CRHR1: variants seen among roughly 807,000 people sequenced by gnomAD.
The protein encoded by CRHR1 is corticotropin releasing hormone receptor 1, also known as corticotropin-releasing hormone receptor 1.
A neutral mutation model predicts 56.0 loss-of-function variants in CRHR1; 28 were observed. The ratio of observed to expected loss-of-function variants is 0.50; its 90% CI spans 0.37 to 0.69. CRHR1 has a LOEUF of 0.69. CRHR1 is among the 30% of genes least tolerant of loss of function. CRHR1 has a pLI of 0.00. For synonymous variants in CRHR1, 195 were observed against 216.5 expected (o/e 0.90, Z 0.87); for missense variants, 376 against 548.0 (o/e 0.69, Z 3.13).
chr17:45,810,504 T>C (rs988459998), intron 2 of CRHR1, among the ~76,000 whole-genome samples: 1 of 152,210 alleles, frequency 6.6e-6, no homozygotes, highest in Admixed American at 6.5e-5. Flanking sequence ...ATATGAACCA[T>C]GTGGGCCTGA....
chr17:45,830,050 C>G, intron 5 of CRHR1, 44 bp from the exon 6 acceptor site: 1 of 1,612,582 alleles, frequency 6.2e-7, no homozygotes, highest in Non-Finnish European at 8.5e-7. Context: ...CCCTCATCCT[C>G]TCTCTCCTAT....
In CRHR1 at chr17:45,816,445, AG is replaced by A; in HGVS notation, c.122-17del. On this transcript the variant is annotated splice_polypyrimidine_tract_variant and intron_variant, in intron 2 of 12. Coordinates refer to ENST00000314537, the MANE Select transcript of CRHR1 (RefSeq NM_004382.5). ...GCCGGATATCTTGCTGTGCCTTACC[AG>A]CCGTCTCTGCCCCCAGGACTGCAGT... 6.2e-7 allele frequency: 1 copy of A among 1,613,494 alleles called. No homozygotes were observed. The highest frequency in any genetic ancestry group is 2.2e-5 in the East Asian group (1 of 44,854).
At chr17:45,807,666 C>T (rs1016649444) in intron 2 of CRHR1, among the ~76,000 whole-genome samples, 2 of 152,234 alleles carry the variant, frequency 1.3e-5, no homozygotes, top group Non-Finnish European at 2.9e-5. Flanking sequence ...GGAGCACGGG[C>T]AGCCCAGCTT....
At chr17:45,796,646 C>G (rs73984612) in intron 1 of CRHR1, among the ~76,000 whole-genome samples, 1 of 152,278 alleles carries the variant, frequency 6.6e-6, no homozygotes, top group South Asian at 2.1e-4. Flanking sequence ...ACCAGTCTCT[C>G]GTTTGAACAG....
At chr17:45,818,652 C>A (rs2061976506) in intron 3 of CRHR1, among the ~76,000 whole-genome samples, 1 of 152,178 alleles carries the variant, frequency 6.6e-6, no homozygotes, top group African/African-American at 2.4e-5. Context: ...GGCTGGAAGA[C>A]CCCTTTCCAG....
chr17:45,815,701 C>G (rs539604334), intron 2 of CRHR1, among the ~76,000 whole-genome samples: 41 of 152,090 alleles, frequency 2.7e-4, no homozygotes, highest in Non-Finnish European at 4.9e-4. Context: ...ACACTAAGGC[C>G]CAGAGAGGGC....
intron 2 of CRHR1, among the ~76,000 whole-genome samples, chr17:45,814,385 C>T (rs1248269166): frequency 6.6e-6 from 1 of 152,132 alleles, no homozygotes; most frequent in Non-Finnish European, 1.5e-5. Context: ...CACAATGTGG[C>T]GTAATGGAAA....
At chr17:45,815,995 C>T (rs138123291) in intron 2 of CRHR1, among the ~76,000 whole-genome samples, 133 of 152,288 alleles carry the variant, frequency 8.7e-4, no homozygotes, top group African/African-American at 3.2e-3. Context: ...CCCTGCAGGG[C>T]CAGGGTAGAT....
chr17:45,812,598 G>C (rs75235396), intron 2 of CRHR1, among the ~76,000 whole-genome samples: 1 of 152,178 alleles, frequency 6.6e-6, no homozygotes, highest in African/African-American at 2.4e-5. Flanking sequence ...CCATCAAGCT[G>C]AGTGACACAG....
chr17:45,790,673 G>A (rs997177195), intron 1 of CRHR1, among the ~76,000 whole-genome samples: 3 of 152,200 alleles, frequency 2.0e-5, no homozygotes, highest in Admixed American at 6.5e-5. Context: ...CCGCATGTCA[G>A]CTGGTTTCCA....
intron 2 of CRHR1, among the ~76,000 whole-genome samples, chr17:45,813,996 C>G (rs987342398): frequency 1.3e-5 from 2 of 152,224 alleles, no homozygotes; most frequent in East Asian, 1.9e-4. Context: ...CAGTGGCTGG[C>G]CTCTGCCTCG....
chr17:45,812,500 G>A (rs547828663), intron 2 of CRHR1, among the ~76,000 whole-genome samples: 4 of 152,334 alleles, frequency 2.6e-5, no homozygotes, highest in East Asian at 3.9e-4. Flanking sequence ...CCTGCCAGGA[G>A]AGCAGAAGAG....
intron 2 of CRHR1, among the ~76,000 whole-genome samples, chr17:45,815,673 A>G (rs1295868449): frequency 6.6e-6 from 1 of 152,206 alleles, no homozygotes; most frequent in African/African-American, 2.4e-5. Flanking sequence ...ACTTGATTTT[A>G]TTATAGATGA....
intron 5 of CRHR1, 111 bp downstream of exon 5, chr17:45,829,432 T>C (rs1380228554): frequency 2.3e-6 from 3 of 1,303,278 alleles, no homozygotes; most frequent in Non-Finnish European, 3.2e-6. Flanking sequence ...TGGGAGAGGG[T>C]GGCAGGGGCT....
chr17:45,811,583 C>T (rs564767046), intron 2 of CRHR1, among the ~76,000 whole-genome samples: 11 of 152,314 alleles, frequency 7.2e-5, no homozygotes, highest in Admixed American at 5.2e-4. Context: ...ACCCTGAAGG[C>T]GTCTACCTGC....
chr17:45,830,002 A>G (rs2062258762), intron 5 of CRHR1, 92 bp from the exon 6 acceptor site: 1 of 1,572,650 alleles, frequency 6.4e-7, no homozygotes. Flanking sequence ...CAGTTTCCTC[A>G]TCTACACATC....
chr17:45,823,176 A>T lies in CRHR1; in HGVS notation c.327+1736A>T, dbSNP rs144635154. On this transcript the variant is annotated intron_variant, in intron 4 of 12. Transcript: ENST00000314537. ...AAAAAAAAATGGAATCTCCCAGAGC[A>T]CTTGTCCAAATACAGGTCCCAGGGC... Among the ~76,000 whole-genome samples the T allele has an allele frequency of 6.8e-3, 1,024 of 150,992 alleles. 11 individuals carry two copies. Among genetic ancestry groups the T allele is most frequent in the African/African-American group, 0.024 (973 of 41,132 alleles).
chr17:45,800,903 G>A (rs974597558), intron 1 of CRHR1: 3 of 152,332 alleles, frequency 2.0e-5, no homozygotes, highest in African/African-American at 7.2e-5. Context: ...CCCTCCAGTG[G>A]CCTTCAGGAC....
chr17:45,802,911 G>A (rs973166186), intron 1 of CRHR1, among the ~76,000 whole-genome samples: 6 of 152,296 alleles, frequency 3.9e-5, no homozygotes, highest in African/African-American at 1.2e-4. Context: ...TTAGTGTCTT[G>A]GGTCCTAAGT....
Sources: allele counts gnomAD v4.1 joint callset (sites outside exome capture counted in the v4.1 genomes callset), GRCh38; gene constraint gnomAD v4.1.1; transcripts MANE v1.5; gene names NCBI Gene and HGNC (gene_info 2026-07-23, HGNC 2026-07-21).